The following DIP2C variants were observed in gnomAD, a reference collection of about 807,000 sequenced individuals.
DIP2C encodes disco-interacting protein 2 homolog C.
DIP2C carries 33 observed loss-of-function variants against 192.4 expected under a neutral mutation model. The observed-to-expected ratio is 0.17, with a 90% CI of 0.13 to 0.23. DIP2C has a LOEUF of 0.23. Ranked by LOEUF, DIP2C falls within the 10% of genes least tolerant of loss-of-function variation. DIP2C has a pLI of 1.00. For synonymous variants in DIP2C, 979 were observed against 864.1 expected (o/e 1.13, Z -2.33); for missense variants, 1,537 against 2,110.1 (o/e 0.73, Z 5.32).
chr10:579,449 C>T (rs956707101), intron 1 of DIP2C, among the ~76,000 whole-genome samples: 1 of 151,786 alleles, frequency 6.6e-6, no homozygotes, highest in East Asian at 2.0e-4. Flanking sequence ...CACATGTGTA[C>T]ATGCATAGAG....
chr10:550,097 C>A (rs1362269594), intron 1 of DIP2C, among the ~76,000 whole-genome samples: 1 of 151,110 alleles, frequency 6.6e-6, no homozygotes, highest in Admixed American at 6.6e-5. Context: ...GCAATCTCTG[C>A]CTCTCGGGTT....
At chr10:462,235 T>C (rs188982076) in intron 3 of DIP2C, among the ~76,000 whole-genome samples, 48 of 152,048 alleles carry the variant, frequency 3.2e-4, no homozygotes, top group Admixed American at 2.7e-3. Flanking sequence ...AATCAATGAA[T>C]CCAGGAGCTG....
chr10:356,034 C>T (rs918130821), intron 24 of DIP2C, among the ~76,000 whole-genome samples: 2 of 152,164 alleles, frequency 1.3e-5, no homozygotes, highest in African/African-American at 2.4e-5. Context: ...GAGCGGAGAT[C>T]GTGCCACTGA....
At chr10:308,884 G>A (rs2132313764) in intron 32 of DIP2C, among the ~76,000 whole-genome samples, 1 of 152,322 alleles carries the variant, frequency 6.6e-6, no homozygotes, top group African/African-American at 2.4e-5. Context: ...CTCAGCCACT[G>A]GCCGTCCCAT....
chr10:290,167 T>A (rs1437184643), intron 32 of DIP2C, among the ~76,000 whole-genome samples: 2 of 152,192 alleles, frequency 1.3e-5, no homozygotes, highest in African/African-American at 4.8e-5. Context: ...CCATTTCAGA[T>A]CAGATGACAA....
intron 26 of DIP2C, among the ~76,000 whole-genome samples, chr10:347,249 C>T (rs1174369911): frequency 7.8e-6 from 1 of 127,484 alleles, no homozygotes; most frequent in Non-Finnish European, 1.6e-5. Flanking sequence ...CCGGAAACCC[C>T]ACACGCACCC....
chr10:634,588 T>C (rs1364246452), intron 1 of DIP2C, among the ~76,000 whole-genome samples: 1 of 152,060 alleles, frequency 6.6e-6, no homozygotes, highest in Admixed American at 6.5e-5. Context: ...CTGTCTCTAC[T>C]AAAAATACAA....
At chr10:586,675 ACAC>A (rs1851052994) in intron 1 of DIP2C, among the ~76,000 whole-genome samples, 1 of 152,134 alleles carries the variant, frequency 6.6e-6, no homozygotes, top group Non-Finnish European at 1.5e-5. Context: ...ACTGGGAAAA[ACAC>A]CATCTCAAGA....
intron 29 of DIP2C, among the ~76,000 whole-genome samples, chr10:330,693 C>T (rs936029235): frequency 5.3e-5 from 8 of 150,384 alleles, no homozygotes; most frequent in African/African-American, 1.5e-4. Context: ...TGCCTAGGCT[C>T]ATCTTGAACT....
chr10:498,263 T>C (rs1222209737), intron 1 of DIP2C, among the ~76,000 whole-genome samples: 1 of 152,194 alleles, frequency 6.6e-6, no homozygotes, highest in Non-Finnish European at 1.5e-5. Flanking sequence ...CTGTTTGGCA[T>C]TGGTTGTCTC....
At chr10:611,516 T>C (rs180938538) in intron 1 of DIP2C, among the ~76,000 whole-genome samples, 1 of 152,326 alleles carries the variant, frequency 6.6e-6, no homozygotes, top group Non-Finnish European at 1.5e-5. Flanking sequence ...GCAAACCAGA[T>C]GGGGCATCCT....
intron 31 of DIP2C, among the ~76,000 whole-genome samples, chr10:310,970 G>A (rs559360812): frequency 4.8e-4 from 73 of 151,888 alleles, no homozygotes; most frequent in Admixed American, 1.6e-3. Context: ...CTTCAGGAGA[G>A]AATTCCAATT....
At chr10:451,441 AC>A (rs1968839862) in intron 3 of DIP2C, among the ~76,000 whole-genome samples, 1 of 152,018 alleles carries the variant, frequency 6.6e-6, no homozygotes, top group South Asian at 2.1e-4. Flanking sequence ...AACCACCGCA[AC>A]CCAGCTTTTC....
intron 2 of DIP2C, among the ~76,000 whole-genome samples, chr10:474,413 G>A (rs931787758): frequency 2.0e-5 from 3 of 152,130 alleles, no homozygotes; most frequent in African/African-American, 7.2e-5. Context: ...CAGCAGAACT[G>A]AAAAACTCTT....
At chr10:674,649 A>G (rs1256182632) in intron 1 of DIP2C, among the ~76,000 whole-genome samples, 2 of 151,752 alleles carry the variant, frequency 1.3e-5, no homozygotes, top group African/African-American at 4.8e-5. Flanking sequence ...CATGCCTGCA[A>G]TCCCAGCTAC....
chr10:599,262 C>T (rs1851906782), intron 1 of DIP2C, among the ~76,000 whole-genome samples: 1 of 152,176 alleles, frequency 6.6e-6, no homozygotes, highest in African/African-American at 2.4e-5. Flanking sequence ...AGAAAGTGGG[C>T]TAAGGGCTTA....
chr10:379,611 TTTG>T (rs1163422076), intron 17 of DIP2C, among the ~76,000 whole-genome samples: 2 of 152,218 alleles, frequency 1.3e-5, no homozygotes, highest in Non-Finnish European at 2.9e-5. Flanking sequence ...TATCTACTTT[TTTG>T]TTTTCTTTTT....
At chr10:430,805 C>T (rs565220598) in intron 4 of DIP2C, among the ~76,000 whole-genome samples, 22 of 152,332 alleles carry the variant, frequency 1.4e-4, no homozygotes, top group African/African-American at 5.3e-4. Context: ...TTGTATTTTA[C>T]ATCTGTCATC....
At chr10:505,584 G>A (rs541178058) in intron 1 of DIP2C, among the ~76,000 whole-genome samples, 64 of 151,620 alleles carry the variant, frequency 4.2e-4, no homozygotes, top group Admixed American at 1.6e-3. Flanking sequence ...GGGTGCCCCT[G>A]ACCCCACAGG....
Sources: gnomAD v4.1 joint callset for allele counts (sites outside exome capture counted in the v4.1 genomes callset) on GRCh38, gnomAD v4.1.1 for gene constraint, MANE v1.5 for transcripts, NCBI Gene and HGNC (gene_info 2026-07-23, HGNC 2026-07-21) for gene names.